The following ZNF688 variants were observed in gnomAD, a reference collection of about 807,000 sequenced individuals.
The protein encoded by ZNF688 is zinc finger protein 688.
Under a neutral mutation model 13.2 loss-of-function variants are expected in ZNF688, and 10 were observed. That is an observed-to-expected ratio of 0.76 (90% confidence interval 0.47 to 1.28). The LOEUF is 1.28. ZNF688 is among the 50% of genes most tolerant of loss of function. The pLI, the probability that ZNF688 is intolerant of heterozygous loss-of-function variation, is 0.00. For synonymous variants in ZNF688, 160 were observed against 159.4 expected (o/e 1.00, Z -0.03); for missense variants, 381 against 391.4 (o/e 0.97, Z 0.22).
upstream of ZNF688, chr16:30,572,144 A>G (rs1342385736): frequency 1.2e-6 from 2 of 1,600,230 alleles, no homozygotes; most frequent in East Asian, 4.6e-5. Flanking sequence ...GCAATACGCA[A>G]CGGCCGATGA....
chr16:30,572,223 C>G (rs1476888101), upstream of ZNF688: 6 of 1,602,490 alleles, frequency 3.7e-6, no homozygotes, highest in Non-Finnish European at 5.1e-6. Flanking sequence ...GAAGGGACCC[C>G]GCGGTCCTGA....
At chr16:30,578,569 G>GC in the ZNF688 span, 1 of 152,232 alleles carries the variant, frequency 6.6e-6, no homozygotes. Context: ...TGTTGCCCAG[G>GC]CTGGAGTGCA....
At chr16:30,572,969 C>A (rs1031065871), upstream of ZNF688, among the ~76,000 whole-genome samples, 2 of 152,156 alleles carry the variant, frequency 1.3e-5, no homozygotes, top group African/African-American at 2.4e-5. Flanking sequence ...TGCAATGGCG[C>A]TATCTAGGCT....
upstream of ZNF688, among the ~76,000 whole-genome samples, chr16:30,572,894 G>A (rs558825689): frequency 3.4e-4 from 51 of 151,544 alleles, no homozygotes; most frequent in Non-Finnish European, 6.0e-4. Flanking sequence ...TCTTTGAGAA[G>A]GAGTTTTACT....
chr16:30,571,132 G>C lies in ZNF688; in HGVS notation c.197-9C>G. 1 of 1,571,720 alleles carries C rather than the reference G, an allele frequency of 6.4e-7. No individual in the cohort carries two copies. The highest frequency in any genetic ancestry group is 8.6e-7 in the Non-Finnish European group (1 of 1,159,054). On this transcript the variant is annotated splice_polypyrimidine_tract_variant and intron_variant, in intron 1 of 2. Transcript: ENST00000223459. ...TTTGGGGCCTGGGAATCCTGGGAGA[G>C]AACAGGGATCACAGCGCGGGCCTGA... is the stretch of plus-strand genomic sequence containing the variant.
rs1196318665 is a variant in ZNF688, at chr16:30,570,387, G to A, written c.360C>T (p.Ala120=). 2.5e-6 allele frequency: 4 copies of A among 1,613,826 alleles called. No homozygotes were observed. The South Asian group carries it at 3.3e-5, about 13-fold the overall frequency. The change falls in exon 3 of 3, where the codon GCC becomes GCT. Residue 120 remains alanine (A), a synonymous_variant. Coordinates refer to ENST00000223459, the MANE Select transcript of ZNF688 (RefSeq NM_145271.4). ...KEEEPEEVPR[A]KGPRKAPVKE... is the part of the protein sequence containing the mutation. ...TCACAGGAGCCTTTCTAGGCCCTTT[G>A]GCTCTTGGGACTTCCTCCGGTTCCT...
chr16:30,571,775 G>A (rs2051690917), upstream of ZNF688: 8 of 1,329,146 alleles, frequency 6.0e-6, no homozygotes, highest in Non-Finnish European at 7.6e-6. Flanking sequence ...AAGTAGCAGG[G>A]ACTGGCTGCT....
chr16:30,572,218 G>C, upstream of ZNF688: 5 of 1,603,826 alleles, frequency 3.1e-6, no homozygotes, highest in Non-Finnish European at 4.3e-6. Flanking sequence ...CATTTGAAGG[G>C]ACCCCGCGGT....
At chr16:30,576,013 A>G (rs2051742811), upstream of ZNF688, among the ~76,000 whole-genome samples, 1 of 152,076 alleles carries the variant, frequency 6.6e-6, no homozygotes, top group Non-Finnish European at 1.5e-5. Flanking sequence ...TCTTCTTAAT[A>G]ACAGCCATTC....
intron 2 of ZNF688, 80 bp downstream of exon 2, chr16:30,570,930 G>C (rs1461917578): frequency 2.1e-6 from 3 of 1,415,872 alleles, no homozygotes; most frequent in Middle Eastern, 1.7e-4. Flanking sequence ...AGGGATGCTG[G>C]AAGTGGGGGC....
the ZNF688 span, chr16:30,579,858 CAGAA>C: frequency 2.2e-6 from 1 of 455,868 alleles, no homozygotes; most frequent in Middle Eastern, 3.3e-4. Context: ...CTAAATGGGC[CAGAA>C]AGAACTCTCT....
chr16:30,576,032 G>C (rs1388484238), upstream of ZNF688, among the ~76,000 whole-genome samples: 2 of 152,102 alleles, frequency 1.3e-5, no homozygotes, highest in Non-Finnish European at 2.9e-5. Context: ...TCTAACTAAG[G>C]TACGATAATA....
upstream of ZNF688, among the ~76,000 whole-genome samples, chr16:30,576,758 GATTATT>G (rs781485166): frequency 2.6e-5 from 4 of 152,020 alleles, no homozygotes; most frequent in Non-Finnish European, 4.4e-5. Flanking sequence ...CTTCTATTAT[GATTATT>G]ATTATTAATT....
At chr16:30,577,099 G>T (rs1439279862), upstream of ZNF688, among the ~76,000 whole-genome samples, 1 of 152,068 alleles carries the variant, frequency 6.6e-6, no homozygotes, top group African/African-American at 2.4e-5. Flanking sequence ...GTCTCACTCT[G>T]TCACCCAGGT....
At position 30,571,042 on chromosome 16, in the gene ZNF688, T is replaced by C. The variant is rs1445678677; in HGVS notation, c.278A>G (p.Glu93Gly). ...AGCTCCTCCCAGTCTTTCCCCCTTCTCAGGATCCTGGGCGGCGGGGCTCCA... is the reference window on the plus strand; with the variant it reads ...AGCTCCTCCCAGTCTTTCCCCCTTCCCAGGATCCTGGGCGGCGGGGCTCCA... ...EAWSPAAQDPEKGERLGGARR... is the reference protein window; with the variant it reads ...EAWSPAAQDPGKGERLGGARR... Residue 93 changes from glutamate to glycine, a missense_variant, in exon 2 of 3, where the codon GAG becomes GGG. By Grantham distance (98) the Glu-to-Gly change is moderately conservative. Coordinates refer to ENST00000223459, the MANE Select transcript of ZNF688 (RefSeq NM_145271.4). 2.3e-5 allele frequency: 37 copies of C among 1,612,700 alleles called. No individual in the cohort carries two copies. Among genetic ancestry groups the C allele is most frequent in the Non-Finnish European group, 3.1e-5 (37 of 1,179,452 alleles).
upstream of ZNF688, chr16:30,572,021 G>T: frequency 5.0e-6 from 7 of 1,408,814 alleles, no homozygotes; most frequent in Non-Finnish European, 6.5e-6. Context: ...AAATAAAGCC[G>T]CTTCGGCTGC....
upstream of ZNF688, among the ~76,000 whole-genome samples, chr16:30,573,483 C>A (rs925004240): frequency 6.6e-6 from 1 of 152,110 alleles, no homozygotes; most frequent in Non-Finnish European, 1.5e-5. Context: ...GCCTTCATCC[C>A]CACATTTGGA....
Position 30,569,848 on chromosome 16 carries a change from T to C in ZNF688, c.*68A>G. 1.3e-6 allele frequency: 2 copies of C among 1,484,040 alleles called. No individual in the cohort carries two copies. Among genetic ancestry groups the C allele is most frequent in the African/African-American group, 1.4e-5 (1 of 70,628 alleles). 91.9% of individuals were successfully genotyped at this position (1,484,040 alleles called of 1,614,324 possible). A position where few individuals can be genotyped will look rare whatever the true frequency, so the allele number is the denominator to read the frequency against. On this transcript the variant is annotated 3_prime_UTR_variant, in exon 3 of 3. Coordinates refer to ENST00000223459, the MANE Select transcript of ZNF688 (RefSeq NM_145271.4). The stretch of plus-strand genomic sequence containing the variant: ...TTCAGTTCCGGAGTCCCCGACTCAG[T>C]GGCCCACCTCAGGGATCCGTCAGTC...
upstream of ZNF688, among the ~76,000 whole-genome samples, chr16:30,576,689 T>C (rs981431244): frequency 6.6e-6 from 1 of 152,100 alleles, no homozygotes; most frequent in Admixed American, 6.6e-5. Context: ...TGATGATTAG[T>C]GGTGTTGAGC....
Sources: allele counts gnomAD v4.1 joint callset (sites outside exome capture counted in the v4.1 genomes callset), GRCh38; gene constraint gnomAD v4.1.1; transcripts MANE v1.5; gene names NCBI Gene and HGNC (gene_info 2026-07-23, HGNC 2026-07-21).